FAM222B: variants seen among roughly 807,000 people sequenced by gnomAD.
The protein encoded by FAM222B is family with sequence similarity 222 member B.
Under a neutral mutation model 38.0 loss-of-function variants are expected in FAM222B, and 12 were observed. The ratio of observed to expected loss-of-function variants is 0.32; its 90% CI spans 0.20 to 0.51. The LOEUF is 0.51. Among genes scored for constraint, FAM222B ranks in the 20% least tolerant of loss-of-function variants. FAM222B has a pLI of 0.97. For missense variants in FAM222B, 716 were observed against 754.2 expected (o/e 0.95, Z 0.59); for synonymous variants, 329 against 317.2 (o/e 1.04, Z -0.40).
At chr17:28,821,421 A>C (rs2038214611) in intron 1 of FAM222B, among the ~76,000 whole-genome samples, 1 of 152,186 alleles carries the variant, frequency 6.6e-6, no homozygotes, top group South Asian at 2.1e-4. Context: ...TAACTTGCAA[A>C]AGTGTTTTAC....
intron 1 of FAM222B, among the ~76,000 whole-genome samples, chr17:28,818,264 C>T (rs1012503613): frequency 6.6e-6 from 1 of 152,020 alleles, no homozygotes; most frequent in Non-Finnish European, 1.5e-5. Context: ...CGCGGTGGCT[C>T]ACGCCTGTAA....
intron 1 of FAM222B, among the ~76,000 whole-genome samples, chr17:28,837,302 C>T (rs549811470): frequency 6.0e-5 from 9 of 150,954 alleles, no homozygotes; most frequent in Admixed American, 4.6e-4. Context: ...TGTTGGTGGG[C>T]GCCTGTAGTC....
intron 1 of FAM222B, among the ~76,000 whole-genome samples, chr17:28,805,034 A>G (rs1040675617): frequency 6.6e-6 from 1 of 151,462 alleles, no homozygotes; most frequent in South Asian, 2.1e-4. Context: ...CGACAGAGCG[A>G]GACTCCATCT....
At chr17:28,784,136 A>C (rs2036287165) in intron 1 of FAM222B, among the ~76,000 whole-genome samples, 1 of 152,016 alleles carries the variant, frequency 6.6e-6, no homozygotes, top group Admixed American at 6.6e-5. Flanking sequence ...TGGGTTTAAC[A>C]TATTCCAGTG....
intron 1 of FAM222B, among the ~76,000 whole-genome samples, chr17:28,837,488 ACCC>A (rs1418451268): frequency 6.5e-4 from 99 of 151,996 alleles, no homozygotes; most frequent in Non-Finnish European, 1.1e-3. Context: ...AAATCTGATT[ACCC>A]CTCCTTGTAT....
At chr17:28,798,185 G>A (rs1255094700) in intron 1 of FAM222B, among the ~76,000 whole-genome samples, 1 of 152,156 alleles carries the variant, frequency 6.6e-6, no homozygotes, top group Non-Finnish European at 1.5e-5. Flanking sequence ...GAGTCCAAGA[G>A]TTTGAGACCA....
chr17:28,769,174 CTTTTTTTTT>C (rs35918064), intron 1 of FAM222B, among the ~76,000 whole-genome samples: 1 of 82,574 alleles, frequency 1.2e-5, no homozygotes, highest in Admixed American at 1.8e-4. Flanking sequence ...AATGTTAGTT[CTTTTTTTTT>C]TTTTTTTTTT....
intron 1 of FAM222B, among the ~76,000 whole-genome samples, chr17:28,780,843 T>C (rs528784997): frequency 4.6e-5 from 7 of 151,566 alleles, no homozygotes; most frequent in South Asian, 2.1e-4. Context: ...GATCGCACCA[T>C]TGGACTCCAA....
intron 1 of FAM222B, among the ~76,000 whole-genome samples, chr17:28,822,832 A>AAAAATAT (rs1567887716): frequency 9.3e-5 from 4 of 42,804 alleles, no homozygotes; most frequent in African/African-American, 1.2e-4. Flanking sequence ...AAAAAAAAAA[A>AAAAATAT]ATATATATAT....
upstream of FAM222B, among the ~76,000 whole-genome samples, chr17:28,845,594 A>C (rs976261547): frequency 6.6e-6 from 1 of 151,570 alleles, no homozygotes; most frequent in Non-Finnish European, 1.5e-5. Context: ...AAAAGGAAAA[A>C]AAGAAAAAAT....
intron 1 of FAM222B, among the ~76,000 whole-genome samples, chr17:28,818,789 G>A (rs1185738140): frequency 6.6e-6 from 1 of 152,078 alleles, no homozygotes; most frequent in African/African-American, 2.4e-5. Flanking sequence ...CATACTGATG[G>A]GGTAGCACAT....
At chr17:28,762,864 G>A (rs1416166230) in intron 2 of FAM222B, among the ~76,000 whole-genome samples, 3 of 151,324 alleles carry the variant, frequency 2.0e-5, no homozygotes, top group East Asian at 1.9e-4. Context: ...GCTTAAACCC[G>A]GGAGGCAGGG....
chr17:28,835,530 T>C (rs1209587803), intron 1 of FAM222B, among the ~76,000 whole-genome samples: 1 of 152,134 alleles, frequency 6.6e-6, no homozygotes, highest in East Asian at 1.9e-4. Flanking sequence ...GGCTTACTGG[T>C]AGAAAAAAAG....
intron 1 of FAM222B, 24 bp from the exon 2 acceptor site, chr17:28,766,731 A>C: frequency 7.5e-7 from 1 of 1,340,290 alleles, no homozygotes; most frequent in Non-Finnish European, 1.0e-6. Flanking sequence ...AAACAAGGTC[A>C]TGAAACACAA....
intron 1 of FAM222B, among the ~76,000 whole-genome samples, chr17:28,806,600 C>G (rs933995184): frequency 6.6e-6 from 1 of 152,246 alleles, no homozygotes; most frequent in Middle Eastern, 3.4e-3. Flanking sequence ...TGTCTCAAAA[C>G]AAAACAAAAT....
intron 1 of FAM222B, among the ~76,000 whole-genome samples, chr17:28,829,405 A>T (rs1205462820): frequency 6.7e-6 from 1 of 149,068 alleles, no homozygotes; most frequent in Non-Finnish European, 1.5e-5. Context: ...TCCCGACCTC[A>T]GGTGATCCGC....
Position 28,818,453 on chromosome 17 carries a change from G to A in FAM222B, c.-41+24229C>T, listed in dbSNP as rs2038103133. ...TGAGGCAGGAGAATGGCGTGAACCT[G>A]GGAGGCGGAGCTTGCAGTCAGCCGA... On this transcript the variant is annotated intron_variant, in intron 1 of 2. Coordinates refer to ENST00000581407, the MANE Select transcript of FAM222B (RefSeq NM_001077498.3). Among the ~76,000 whole-genome samples, 3 of 151,750 alleles carry A rather than the reference G, an allele frequency of 2.0e-5. No homozygotes were observed. The South Asian group carries it at 6.2e-4, about 32-fold the overall frequency.
chr17:28,789,915 G>A (rs1944641359), intron 1 of FAM222B, among the ~76,000 whole-genome samples: 1 of 152,168 alleles, frequency 6.6e-6, no homozygotes, highest in African/African-American at 2.4e-5. Context: ...GACATTGAGT[G>A]GGTACACTGG....
intron 1 of FAM222B, among the ~76,000 whole-genome samples, chr17:28,797,606 T>C (rs1046470266): frequency 6.6e-6 from 1 of 152,212 alleles, no homozygotes; most frequent in African/African-American, 2.4e-5. Context: ...TTCCAAATCA[T>C]TTTAAAAAGG....
Sources: gnomAD v4.1 joint callset for allele counts (sites outside exome capture counted in the v4.1 genomes callset) on GRCh38, gnomAD v4.1.1 for gene constraint, MANE v1.5 for transcripts, NCBI Gene and HGNC (gene_info 2026-07-23, HGNC 2026-07-21) for gene names.